The following RNF150 variants were observed in gnomAD, a reference collection of about 807,000 sequenced individuals.
RNF150 encodes ring finger protein 150.
RNF150 carries 24 observed loss-of-function variants against 39.3 expected under a neutral mutation model. The observed-to-expected ratio is 0.61, with a 90% confidence interval of 0.44 to 0.86. The LOEUF is 0.86. Ranked by LOEUF, RNF150 falls within the 40% of genes least tolerant of loss-of-function variation. The pLI is 0.00. For missense variants in RNF150, 502 were observed against 587.8 expected (o/e 0.85, Z 1.51); for synonymous variants, 255 against 227.3 (o/e 1.12, Z -1.10).
At chr4:141,046,673 G>A (rs559303190) in intron 1 of RNF150, among the ~76,000 whole-genome samples, 4 of 152,212 alleles carry the variant, frequency 2.6e-5, no homozygotes, top group African/African-American at 9.6e-5. Flanking sequence ...GCCAGCTGAG[G>A]ATTAATTCAA....
At chr4:141,032,029 C>T (rs948410326) in intron 1 of RNF150, among the ~76,000 whole-genome samples, 16 of 151,414 alleles carry the variant, frequency 1.1e-4, no homozygotes, top group African/African-American at 2.9e-4. Flanking sequence ...TATATATATA[C>T]ACACATATAT....
intron 1 of RNF150, among the ~76,000 whole-genome samples, chr4:141,075,999 T>G (rs1017073363): frequency 1.3e-5 from 2 of 152,180 alleles, no homozygotes; most frequent in African/African-American, 4.8e-5. Context: ...TTTTTAAAGA[T>G]CTGATAGATA....
chr4:140,914,290 G>A (rs1730729514), intron 5 of RNF150, among the ~76,000 whole-genome samples: 1 of 152,150 alleles, frequency 6.6e-6, no homozygotes, highest in Admixed American at 6.5e-5. Flanking sequence ...GAACCTCACA[G>A]ATTATATCCA....
At chr4:141,140,003 T>C (rs1727091717) in intron 1 of RNF150, among the ~76,000 whole-genome samples, 1 of 152,232 alleles carries the variant, frequency 6.6e-6, no homozygotes, top group Non-Finnish European at 1.5e-5. Flanking sequence ...CTTCATTTTT[T>C]GCTTTCGTAA....
At chr4:140,932,433 G>A (rs1179484278) in intron 4 of RNF150, among the ~76,000 whole-genome samples, 1 of 152,128 alleles carries the variant, frequency 6.6e-6, no homozygotes, top group Non-Finnish European at 1.5e-5. Flanking sequence ...GGAAGAGAAG[G>A]CTGAAGCTCA....
At chr4:140,879,416 A>AT (rs35447098) in intron 6 of RNF150, among the ~76,000 whole-genome samples, 27,107 of 152,120 alleles carry the variant, frequency 0.18, 2,909 homozygotes, top group East Asian at 0.38. Context: ...GCAATGTTTT[A>AT]AGTTTTCAGT....
intron 1 of RNF150, among the ~76,000 whole-genome samples, chr4:141,120,299 T>G (rs1031104383): frequency 1.3e-5 from 2 of 151,520 alleles, no homozygotes; most frequent in Admixed American, 1.3e-4. Context: ...ACAAAGGGGG[T>G]AAAGGGCGAT....
intron 6 of RNF150, among the ~76,000 whole-genome samples, chr4:140,886,786 AT>A (rs1165030601): frequency 1.3e-5 from 2 of 152,148 alleles, no homozygotes; most frequent in East Asian, 1.9e-4. Flanking sequence ...CAGCTAGCTA[AT>A]TTTAAAAGTT....
At chr4:141,043,778 G>A (rs1196676858) in intron 1 of RNF150, among the ~76,000 whole-genome samples, 1 of 152,026 alleles carries the variant, frequency 6.6e-6, no homozygotes, top group African/African-American at 2.4e-5. Flanking sequence ...AAGAGTTAAA[G>A]AGGTAATCCT....
Position 140,864,006 on chromosome 4 carries a change from G to C in RNF150, c.*4255C>G, listed in dbSNP as rs1578909103. On this transcript the variant is annotated 3_prime_UTR_variant, in exon 7 of 7. Coordinates refer to ENST00000515673, the MANE Select transcript of RNF150 (RefSeq NM_020724.2). ...AGTATGGTAGCCTCAGGGATGTCAG[G>C]GCAGTAACTGAAATGGCCACTGGGC... is the stretch of plus-strand genomic sequence containing the variant. 1 of 152,154 alleles carries C rather than the reference G, an allele frequency of 6.6e-6. No homozygotes were observed. Among genetic ancestry groups the C allele is most frequent in the African/African-American group, 2.4e-5 (1 of 41,426 alleles). 9.4% of individuals were successfully genotyped at this position (152,154 alleles called of 1,614,324 possible).
intron 1 of RNF150, among the ~76,000 whole-genome samples, chr4:141,094,205 C>T (rs1009287282): frequency 6.6e-5 from 10 of 152,284 alleles, no homozygotes; most frequent in Non-Finnish European, 1.5e-4. Flanking sequence ...AGGCAATATC[C>T]TCAGGTAATA....
chr4:140,871,039 C>G (rs1008382056), intron 6 of RNF150, among the ~76,000 whole-genome samples: 1 of 151,644 alleles, frequency 6.6e-6, no homozygotes, highest in Non-Finnish European at 1.5e-5. Context: ...CACACACACA[C>G]TTTATACTTA....
At chr4:140,954,494 C>G (rs1198580688) in intron 2 of RNF150, among the ~76,000 whole-genome samples, 1 of 152,136 alleles carries the variant, frequency 6.6e-6, no homozygotes. Flanking sequence ...GCATGAGCTA[C>G]CCGTGCCTGG....
In RNF150 at chr4:140,925,961, G is replaced by A; in HGVS notation, c.987+16C>T. Reference sequence around the variant, plus strand: ...AAAGACAGACATTATAATGCTGTAGGCTGTGCTGTGCTTACCGGGATCCCT... The same window carrying A: ...AAAGACAGACATTATAATGCTGTAGACTGTGCTGTGCTTACCGGGATCCCT... On this transcript the variant is annotated intron_variant, in intron 5 of 6. Coordinates refer to ENST00000515673, the MANE Select transcript of RNF150 (RefSeq NM_020724.2). 6.5e-7 allele frequency: 1 copy of A among 1,546,990 alleles called. No individual in the cohort carries two copies. The highest frequency in any genetic ancestry group is 8.9e-7 in the Non-Finnish European group (1 of 1,118,794).
intron 1 of RNF150, among the ~76,000 whole-genome samples, chr4:140,975,476 G>A (rs1445232383): frequency 6.6e-6 from 1 of 152,156 alleles, no homozygotes; most frequent in East Asian, 1.9e-4. Context: ...CCCATTGTGT[G>A]TGTATGTGTT....
chr4:141,002,433 T>C (rs1032260301), intron 1 of RNF150, among the ~76,000 whole-genome samples: 1 of 152,164 alleles, frequency 6.6e-6, no homozygotes, highest in East Asian at 1.9e-4. Context: ...CTCACTATCT[T>C]AAGCTTTGCC....
At position 140,866,974 on chromosome 4, in the gene RNF150, T is replaced by G. The variant is rs1016512999; in HGVS notation, c.*1287A>C. The G allele has an allele frequency of 6.6e-6, 1 of 152,250 alleles. No homozygotes were observed. The highest frequency in any genetic ancestry group is 1.5e-5 in the Non-Finnish European group (1 of 68,042). The allele number at this position is 152,250 out of a possible 1,614,324, so 9.4% of individuals were successfully genotyped here. A position where few individuals can be genotyped will look rare whatever the true frequency, so the allele number is the denominator to read the frequency against. ...GGTTTCAGTATTTACTTGATACCTC[T>G]TTTCCTTTCCCTCTTACTTTGTCTA... is the stretch of plus-strand genomic sequence containing the variant. On this transcript the variant is annotated 3_prime_UTR_variant, in exon 7 of 7. Transcript: ENST00000515673.
intron 1 of RNF150, among the ~76,000 whole-genome samples, chr4:140,997,688 C>CTGTGTGTGTATATATACACACACATA (rs1560676657): frequency 7.3e-6 from 1 of 137,150 alleles, no homozygotes; most frequent in East Asian, 2.1e-4. Context: ...GCACTCCAGC[C>CTGTGTGTGTATATATACACACACATA]TGTGTGTGTA....
intron 1 of RNF150, among the ~76,000 whole-genome samples, chr4:140,985,563 T>A (rs936907032): frequency 2.6e-5 from 4 of 152,122 alleles, no homozygotes; most frequent in Non-Finnish European, 4.4e-5. Flanking sequence ...GAAAATTTAG[T>A]TTTCAACCTT....
Sources: allele counts gnomAD v4.1 joint callset (sites outside exome capture counted in the v4.1 genomes callset), GRCh38; gene constraint gnomAD v4.1.1; transcripts MANE v1.5; gene names NCBI Gene and HGNC (gene_info 2026-07-23, HGNC 2026-07-21).